WDR7: variants seen among roughly 807,000 people sequenced by gnomAD.
WDR7 encodes the protein WD repeat-containing protein 7.
Under a neutral mutation model 169.4 loss-of-function variants are expected in WDR7, and 46 were observed. The observed-to-expected ratio is 0.27, with a 90% CI of 0.21 to 0.35. The LOEUF (loss-of-function observed/expected upper bound fraction) is 0.35, where lower values mean the gene tolerates loss of function less well. Ranked by LOEUF, WDR7 falls within the 10% of genes least tolerant of loss-of-function variation. The pLI is 1.00. For missense variants in WDR7, 1,534 were observed against 1,859.3 expected (o/e 0.83, Z 3.22); for synonymous variants, 612 against 666.8 (o/e 0.92, Z 1.27).
chr18:56,777,679 A>AG (rs1266675237), intron 17 of WDR7, among the ~76,000 whole-genome samples: 2 of 152,230 alleles, frequency 1.3e-5, no homozygotes, highest in African/African-American at 4.8e-5. Flanking sequence ...AAAATATAAC[A>AG]GTAAGACCTG....
At chr18:56,783,795 T>G (rs1174951949) in intron 19 of WDR7, among the ~76,000 whole-genome samples, 2 of 152,154 alleles carry the variant, frequency 1.3e-5, no homozygotes, top group African/African-American at 4.8e-5. Context: ...GAGAAAAACG[T>G]TGGGAAAAAG....
chr18:56,788,246 T>C (rs1222098193), intron 19 of WDR7, among the ~76,000 whole-genome samples: 2 of 152,222 alleles, frequency 1.3e-5, no homozygotes, highest in Non-Finnish European at 2.9e-5. Context: ...CACTTGCTTA[T>C]TGAAGAGAAT....
chr18:56,815,310 G>C (rs377001661), intron 19 of WDR7, among the ~76,000 whole-genome samples: 1 of 152,112 alleles, frequency 6.6e-6, no homozygotes, highest in South Asian at 2.1e-4. Context: ...CCTAGTATCT[G>C]TTGTGAAATT....
intron 12 of WDR7, among the ~76,000 whole-genome samples, chr18:56,705,682 T>C (rs568465548): frequency 6.6e-6 from 1 of 152,092 alleles, no homozygotes; most frequent in Non-Finnish European, 1.5e-5. Flanking sequence ...CTGGCAGGAA[T>C]TGGACATACA....
chr18:56,878,074 G>A (rs140579263), intron 20 of WDR7, among the ~76,000 whole-genome samples: 4 of 152,096 alleles, frequency 2.6e-5, no homozygotes, highest in Admixed American at 2.0e-4. Flanking sequence ...ACTAAAAAAG[G>A]GTAGAACTAT....
chr18:56,816,228 G>A (rs892673153), intron 20 of WDR7, 84 bp downstream of exon 20: 8 of 1,182,550 alleles, frequency 6.8e-6, no homozygotes, highest in Non-Finnish European at 8.3e-6. Context: ...GTGGGATTAA[G>A]TATTTCGACG....
At chr18:57,032,538 T>C (rs1334638705), downstream of WDR7, 1 of 152,150 alleles carries the variant, frequency 6.6e-6, no homozygotes, top group Non-Finnish European at 1.5e-5. Flanking sequence ...GTTTCATCTG[T>C]ATTTACAGAG....
intron 1 of WDR7, among the ~76,000 whole-genome samples, chr18:56,655,203 T>C (rs183859372): frequency 6.6e-6 from 1 of 152,352 alleles, no homozygotes; most frequent in East Asian, 1.9e-4. Context: ...GGAACTTCCC[T>C]CAATAGTTAC....
chr18:56,658,650 A>G (rs145188387), intron 1 of WDR7, among the ~76,000 whole-genome samples: 106 of 152,318 alleles, frequency 7.0e-4, no homozygotes, highest in African/African-American at 2.3e-3. Flanking sequence ...TTCAAATACA[A>G]ATAAACAGTA....
chr18:56,853,419 A>C (rs2045670562), intron 20 of WDR7, among the ~76,000 whole-genome samples: 1 of 152,158 alleles, frequency 6.6e-6, no homozygotes, highest in Admixed American at 6.5e-5. Context: ...TTTCCCAGTT[A>C]TCTTACAGGC....
intron 1 of WDR7, among the ~76,000 whole-genome samples, chr18:56,665,747 ATACT>A (rs2025006487): frequency 6.6e-6 from 1 of 152,228 alleles, no homozygotes; most frequent in African/African-American, 2.4e-5. Context: ...AAGAGCTTCG[ATACT>A]TACTTTCACA....
At chr18:56,684,695 G>C (rs1234114642) in intron 5 of WDR7, among the ~76,000 whole-genome samples, 2 of 152,202 alleles carry the variant, frequency 1.3e-5, no homozygotes, top group Non-Finnish European at 2.9e-5. Flanking sequence ...TCCTGCCGCT[G>C]TTCTTCAGAG....
At chr18:56,776,104 G>C (rs1048809760) in intron 16 of WDR7, among the ~76,000 whole-genome samples, 1 of 151,796 alleles carries the variant, frequency 6.6e-6, no homozygotes, top group Non-Finnish European at 1.5e-5. Flanking sequence ...GAGGGGTTAG[G>C]GAGTGAATTG....
At chr18:56,672,380 G>T in intron 1 of WDR7, 117 bp from the exon 2 acceptor site, 19 of 636,516 alleles carry the variant, frequency 3.0e-5, no homozygotes, top group Middle Eastern at 5.1e-4. Context: ...TTAAGTAGCT[G>T]TAATTCACTC....
intron 19 of WDR7, among the ~76,000 whole-genome samples, chr18:56,812,309 A>T (rs1476757470): frequency 6.6e-6 from 1 of 152,218 alleles, no homozygotes; most frequent in Non-Finnish European, 1.5e-5. Context: ...GATGTTTTCC[A>T]TGTTTTTTTC....
At chr18:56,952,937 G>T (rs1440128727) in intron 25 of WDR7, among the ~76,000 whole-genome samples, 1 of 152,146 alleles carries the variant, frequency 6.6e-6, no homozygotes, top group Non-Finnish European at 1.5e-5. Flanking sequence ...CAGAGGTCGG[G>T]GGAGAAAGGA....
chr18:56,810,622 T>C (rs1196873861), intron 19 of WDR7, among the ~76,000 whole-genome samples: 2 of 152,146 alleles, frequency 1.3e-5, no homozygotes, highest in Non-Finnish European at 2.9e-5. Context: ...TGGCGAATTT[T>C]GCTTTCTTAT....
chr18:56,939,449 TA>T, intron 25 of WDR7, 56 bp downstream of exon 25: 2 of 1,396,066 alleles, frequency 1.4e-6, no homozygotes, highest in Non-Finnish European at 1.9e-6. Flanking sequence ...CAAATAATTT[TA>T]AAAATTTTTG....
At chr18:56,838,236 A>G (rs2045426180) in intron 20 of WDR7, among the ~76,000 whole-genome samples, 1 of 151,752 alleles carries the variant, frequency 6.6e-6, no homozygotes, top group Non-Finnish European at 1.5e-5. Flanking sequence ...TTATTTCTTT[A>G]TACCTGAAAG....
Sources: gnomAD v4.1 joint callset for allele counts (sites outside exome capture counted in the v4.1 genomes callset) on GRCh38, gnomAD v4.1.1 for gene constraint, MANE v1.5 for transcripts, NCBI Gene and HGNC (gene_info 2026-07-23, HGNC 2026-07-21) for gene names.